RAD51B: variants seen among roughly 807,000 people sequenced by gnomAD.
RAD51B encodes the protein RAD51 paralog B.
Under a neutral mutation model 42.2 loss-of-function variants are expected in RAD51B, and 38 were observed. The observed-to-expected ratio is 0.90, with a 90% CI of 0.70 to 1.18. The LOEUF (loss-of-function observed/expected upper bound fraction) is 1.18. Ranked by LOEUF, RAD51B falls within the 50% of genes most tolerant of loss-of-function variation. RAD51B has a pLI of 0.00. For synonymous variants in RAD51B, 154 were observed against 145.2 expected (o/e 1.06, Z -0.43); for missense variants, 373 against 400.7 (o/e 0.93, Z 0.59).
chr14:68,047,423 G>A (rs1165931977), intron 7 of RAD51B, among the ~76,000 whole-genome samples: 1 of 152,008 alleles, frequency 6.6e-6, no homozygotes, highest in African/African-American at 2.4e-5. Context: ...GATGATAAAA[G>A]AAATGTGCAC....
At chr14:68,358,321 AC>A (rs1196790056) in intron 8 of RAD51B, among the ~76,000 whole-genome samples, 9 of 152,262 alleles carry the variant, frequency 5.9e-5, no homozygotes, top group African/African-American at 2.2e-4. Flanking sequence ...TTGTAGAAAA[AC>A]ATAGCATCTG....
chr14:67,886,499 G>A (rs764864860), intron 6 of RAD51B: 41 of 219,262 alleles, frequency 1.9e-4, no homozygotes, highest in Admixed American at 2.9e-4. Flanking sequence ...GTTCCTTACC[G>A]TCTGGGCCTC....
At chr14:68,426,854 A>G (rs557612115) in intron 9 of RAD51B, among the ~76,000 whole-genome samples, 15 of 152,256 alleles carry the variant, frequency 9.9e-5, no homozygotes, top group African/African-American at 3.1e-4. Context: ...TCCCATCACA[A>G]TCCCGGAGCT....
At chr14:68,459,200 T>C (rs1487637455) in intron 9 of RAD51B, among the ~76,000 whole-genome samples, 1 of 152,216 alleles carries the variant, frequency 6.6e-6, no homozygotes, top group Admixed American at 6.5e-5. Context: ...CTTCTGTCCT[T>C]TGGCTTGGAG....
chr14:67,980,312 G>A (rs912854662), intron 7 of RAD51B, among the ~76,000 whole-genome samples: 1 of 152,274 alleles, frequency 6.6e-6, no homozygotes, highest in South Asian at 2.1e-4. Context: ...GGGCGTGCTG[G>A]CGGGCGCCTG....
chr14:68,632,158 C>T (rs373919381), intron 10 of RAD51B, among the ~76,000 whole-genome samples: 3 of 152,226 alleles, frequency 2.0e-5, no homozygotes, highest in East Asian at 3.9e-4. Context: ...TTCTAAATTC[C>T]GCTTTCTTTG....
intron 9 of RAD51B, among the ~76,000 whole-genome samples, chr14:68,435,035 C>T (rs1251928638): frequency 6.6e-6 from 1 of 152,152 alleles, no homozygotes; most frequent in Non-Finnish European, 1.5e-5. Context: ...ATAATTTCAA[C>T]TTTTATTTTA....
At chr14:68,112,146 A>G (rs2077469985) in intron 7 of RAD51B, among the ~76,000 whole-genome samples, 1 of 152,104 alleles carries the variant, frequency 6.6e-6, no homozygotes, top group Non-Finnish European at 1.5e-5. Flanking sequence ...TAGTCACAGT[A>G]TAACCTCATA....
At chr14:68,080,262 C>G (rs146415367) in intron 7 of RAD51B, among the ~76,000 whole-genome samples, 3 of 152,152 alleles carry the variant, frequency 2.0e-5, no homozygotes, top group African/African-American at 7.2e-5. Context: ...GTTTCCTTCC[C>G]CAGATGTATC....
At chr14:68,431,629 G>C (rs1322893166) in intron 9 of RAD51B, among the ~76,000 whole-genome samples, 1 of 152,026 alleles carries the variant, frequency 6.6e-6, no homozygotes, top group African/African-American at 2.4e-5. Context: ...GCATCTATTT[G>C]ATTCTTCTCT....
chr14:67,988,148 G>A (rs1052343442), intron 7 of RAD51B, among the ~76,000 whole-genome samples: 3 of 151,962 alleles, frequency 2.0e-5, no homozygotes, highest in African/African-American at 7.3e-5. Flanking sequence ...TGTATGCTTA[G>A]GTCAGAATCT....
chr14:68,465,618 A>G (rs2085954375), intron 9 of RAD51B, among the ~76,000 whole-genome samples: 1 of 152,160 alleles, frequency 6.6e-6, no homozygotes, highest in Non-Finnish European at 1.5e-5. Flanking sequence ...CTACCATGCC[A>G]TTCCCCTTCT....
intron 10 of RAD51B, among the ~76,000 whole-genome samples, chr14:68,619,194 G>T: frequency 6.6e-6 from 1 of 152,300 alleles, no homozygotes; most frequent in South Asian, 2.1e-4. Flanking sequence ...AAGTTAAAAG[G>T]CTGGGCGTGG....
chr14:67,900,678 C>G (rs1412216984), intron 7 of RAD51B, among the ~76,000 whole-genome samples: 1 of 149,770 alleles, frequency 6.7e-6, no homozygotes, highest in Non-Finnish European at 1.5e-5. Flanking sequence ...AGTTACAGTT[C>G]TAAACTAAAC....
At chr14:68,610,835 G>A (rs1891645989) in intron 10 of RAD51B, among the ~76,000 whole-genome samples, 1 of 116,210 alleles carries the variant, frequency 8.6e-6, no homozygotes, top group African/African-American at 3.4e-5. Context: ...AACCACATCT[G>A]AATGTATATG....
At chr14:67,842,241 T>C (rs1293196450) in intron 4 of RAD51B, among the ~76,000 whole-genome samples, 1 of 152,230 alleles carries the variant, frequency 6.6e-6, no homozygotes, top group Non-Finnish European at 1.5e-5. Context: ...ATTGATTTTG[T>C]AGCCTTCAAC....
intron 7 of RAD51B, among the ~76,000 whole-genome samples, chr14:68,084,955 G>A (rs1436683950): frequency 2.0e-5 from 3 of 152,124 alleles, no homozygotes; most frequent in African/African-American, 7.2e-5. Context: ...TAGTGACAGT[G>A]GAATTATAAG....
At chr14:68,008,305 T>C (rs1422368524) in intron 7 of RAD51B, among the ~76,000 whole-genome samples, 1 of 151,958 alleles carries the variant, frequency 6.6e-6, no homozygotes, top group African/African-American at 2.4e-5. Flanking sequence ...ATAGACAAAT[T>C]GATCTTCATA....
At chr14:67,834,257 A>G (rs2041155535) in intron 3 of RAD51B, among the ~76,000 whole-genome samples, 1 of 152,074 alleles carries the variant, frequency 6.6e-6, no homozygotes, top group East Asian at 1.9e-4. Context: ...GTGGGTATTT[A>G]GGGTCCATCT....
Sources: gnomAD v4.1 joint callset for allele counts (sites outside exome capture counted in the v4.1 genomes callset) on GRCh38, gnomAD v4.1.1 for gene constraint, MANE v1.5 for transcripts, NCBI Gene and HGNC (gene_info 2026-07-23, HGNC 2026-07-21) for gene names.